The following ACOXL variants were observed in gnomAD, a reference collection of about 807,000 sequenced individuals.
ACOXL encodes acyl-CoA oxidase like.
Under a neutral mutation model 71.9 loss-of-function variants are expected in ACOXL, and 70 were observed. That is an observed-to-expected ratio of 0.97 (90% CI 0.80 to 1.19). ACOXL has a LOEUF of 1.19. ACOXL is among the 50% of genes most tolerant of loss of function. ACOXL has a pLI of 0.00. For missense variants in ACOXL, 703 were observed against 736.3 expected, an observed-to-expected ratio of 0.95 and a Z score of 0.52; for synonymous variants, 253 against 281.6, an observed-to-expected ratio of 0.90 and a Z score of 1.02.
chr2:110,873,570 G>C (rs1369350427), intron 10 of ACOXL, among the ~76,000 whole-genome samples: 2 of 152,198 alleles, frequency 1.3e-5, no homozygotes, highest in Non-Finnish European at 2.9e-5. Flanking sequence ...TGGGTGGGAA[G>C]GGGGCTGCAA....
intron 14 of ACOXL, among the ~76,000 whole-genome samples, chr2:111,008,061 C>T (rs549304634): frequency 6.6e-6 from 1 of 152,272 alleles, no homozygotes; most frequent in East Asian, 1.9e-4. Context: ...AACTGGAATA[C>T]GGTATTTTTC....
At chr2:111,084,777 A>G (rs944362073) in intron 16 of ACOXL, among the ~76,000 whole-genome samples, 1 of 152,290 alleles carries the variant, frequency 6.6e-6, no homozygotes, top group East Asian at 1.9e-4. Flanking sequence ...CAGAGTGGCC[A>G]GCTTGATAAA....
At chr2:111,103,078 G>C (rs1234617581) in intron 17 of ACOXL, among the ~76,000 whole-genome samples, 1 of 152,088 alleles carries the variant, frequency 6.6e-6, no homozygotes, top group Non-Finnish European at 1.5e-5. Context: ...ATCACTTGAG[G>C]CCAGGAGTTC....
intron 10 of ACOXL, chr2:110,887,539 T>A (rs1697450091): frequency 6.6e-6 from 1 of 152,336 alleles, no homozygotes; most frequent in Admixed American, 6.5e-5. Context: ...ACTGCAGCCT[T>A]GAACTCCTGA....
At chr2:111,039,403 CA>C (rs1383348306) in intron 15 of ACOXL, among the ~76,000 whole-genome samples, 1 of 133,664 alleles carries the variant, frequency 7.5e-6, no homozygotes, top group Non-Finnish European at 1.7e-5. Context: ...ACATGAGAAC[CA>C]AAAAGAAAAA....
At chr2:110,976,148 C>T (rs947820474) in intron 12 of ACOXL, among the ~76,000 whole-genome samples, 1 of 152,152 alleles carries the variant, frequency 6.6e-6, no homozygotes. Flanking sequence ...GCCTCAAAAC[C>T]CTCAAGCTGA....
intron 12 of ACOXL, among the ~76,000 whole-genome samples, chr2:110,969,667 C>A (rs1260095317): frequency 6.6e-6 from 1 of 151,758 alleles, no homozygotes; most frequent in African/African-American, 2.4e-5. Context: ...AAAAATTAGC[C>A]GGGTGTGATG....
At chr2:111,074,631 A>G (rs1045383885) in intron 16 of ACOXL, among the ~76,000 whole-genome samples, 6 of 151,966 alleles carry the variant, frequency 3.9e-5, no homozygotes, top group African/African-American at 1.5e-4. Context: ...GTCTCATACC[A>G]TCTCCCGTGC....
intron 2 of ACOXL, among the ~76,000 whole-genome samples, chr2:110,778,456 A>G (rs1682927545): frequency 6.6e-6 from 1 of 152,180 alleles, no homozygotes; most frequent in African/African-American, 2.4e-5. Context: ...TATTGTTTTG[A>G]AAAGGGGATA....
chr2:110,881,891 G>GGT (rs1696695425), intron 10 of ACOXL, among the ~76,000 whole-genome samples: 1 of 149,476 alleles, frequency 6.7e-6, no homozygotes, highest in South Asian at 2.1e-4. Flanking sequence ...GGGACATTGG[G>GGT]TTTTTTTTTT....
chr2:111,015,891 C>T (rs2064404391), intron 14 of ACOXL, among the ~76,000 whole-genome samples: 1 of 152,052 alleles, frequency 6.6e-6, no homozygotes, highest in Non-Finnish European at 1.5e-5. Flanking sequence ...TGTATAATTC[C>T]ATTTATGTGC....
intron 1 of ACOXL, among the ~76,000 whole-genome samples, chr2:110,767,937 C>G (rs1681316301): frequency 8.0e-6 from 1 of 125,292 alleles, no homozygotes; most frequent in South Asian, 2.6e-4. Flanking sequence ...CACACACACA[C>G]ACACACACAC....
At chr2:111,073,243 A>G (rs2149937870) in intron 16 of ACOXL, among the ~76,000 whole-genome samples, 1 of 152,310 alleles carries the variant, frequency 6.6e-6, no homozygotes, top group Admixed American at 6.5e-5. Context: ...TTTGCAGAGA[A>G]AAGTTTTTTA....
chr2:111,065,257 A>G (rs2067010309), intron 16 of ACOXL, among the ~76,000 whole-genome samples: 1 of 152,254 alleles, frequency 6.6e-6, no homozygotes. Flanking sequence ...GAAGTAAGAT[A>G]GCCTTTTCAA....
chr2:111,052,660 C>G (rs2066351057), intron 16 of ACOXL, among the ~76,000 whole-genome samples: 1 of 152,180 alleles, frequency 6.6e-6, no homozygotes. Context: ...CGTTTGATCT[C>G]CATACCTACC....
At chr2:111,015,060 T>C (rs1381735078) in intron 14 of ACOXL, among the ~76,000 whole-genome samples, 5 of 152,212 alleles carry the variant, frequency 3.3e-5, no homozygotes, top group Admixed American at 6.5e-5. Flanking sequence ...TGGCATAAAC[T>C]GAGATTTCTC....
chr2:110,930,253 A>G (rs2060430772), intron 11 of ACOXL, among the ~76,000 whole-genome samples: 1 of 152,248 alleles, frequency 6.6e-6, no homozygotes, highest in Admixed American at 6.5e-5. Flanking sequence ...ACAAAGAGTC[A>G]AAGGAGATCA....
chr2:110,872,485 G>T (rs1261109789), intron 10 of ACOXL, among the ~76,000 whole-genome samples: 2 of 152,186 alleles, frequency 1.3e-5, no homozygotes, highest in Non-Finnish European at 2.9e-5. Context: ...CCGTCTCCTG[G>T]GGGTCTCCCA....
At chr2:110,807,402 C>T (rs766325457) in intron 9 of ACOXL, among the ~76,000 whole-genome samples, 4 of 152,152 alleles carry the variant, frequency 2.6e-5, no homozygotes, top group Non-Finnish European at 5.9e-5. Flanking sequence ...CTGCTGCTGC[C>T]GTTACTGGGA....
Sources: gnomAD v4.1 joint callset for allele counts (sites outside exome capture counted in the v4.1 genomes callset) on GRCh38, gnomAD v4.1.1 for gene constraint, MANE v1.5 for transcripts, NCBI Gene and HGNC (gene_info 2026-07-23, HGNC 2026-07-21) for gene names.